The following PRKCE variants were observed in gnomAD, a reference collection of about 807,000 sequenced individuals.
PRKCE encodes the protein protein kinase C epsilon, also known as protein kinase C epsilon type.
PRKCE carries 16 observed loss-of-function variants against 85.4 expected under a neutral mutation model. The ratio of observed to expected loss-of-function variants is 0.19; its 90% CI spans 0.13 to 0.28. PRKCE has a LOEUF of 0.28. Ranked by LOEUF, PRKCE falls within the 10% of genes least tolerant of loss-of-function variation. PRKCE has a pLI of 1.00. For missense variants in PRKCE, 573 were observed against 975.2 expected, an observed-to-expected ratio of 0.59 and a Z score of 5.49; for synonymous variants, 388 against 371.5, an observed-to-expected ratio of 1.04 and a Z score of -0.51.
intron 1 of PRKCE, among the ~76,000 whole-genome samples, chr2:45,707,569 C>T (rs1679217354): frequency 6.6e-6 from 1 of 152,146 alleles, no homozygotes; most frequent in African/African-American, 2.4e-5. Flanking sequence ...TTGCTCTTGC[C>T]CCTGTGCTTG....
intron 1 of PRKCE, among the ~76,000 whole-genome samples, chr2:45,799,864 A>G (rs1266401191): frequency 2.6e-5 from 4 of 152,254 alleles, no homozygotes; most frequent in Non-Finnish European, 4.4e-5. Flanking sequence ...CAGCAGAGGC[A>G]GGATCAGGAA....
chr2:45,746,742 T>C (rs1354108492), intron 1 of PRKCE, among the ~76,000 whole-genome samples: 1 of 152,208 alleles, frequency 6.6e-6, no homozygotes, highest in Non-Finnish European at 1.5e-5. Flanking sequence ...CTTAGCATAA[T>C]TTTACCCAGC....
intron 1 of PRKCE, among the ~76,000 whole-genome samples, chr2:45,722,773 A>G (rs1476212555): frequency 6.6e-6 from 1 of 152,218 alleles, no homozygotes; most frequent in South Asian, 2.1e-4. Context: ...CTTTCTTCAT[A>G]GAAACCTAGG....
chr2:45,947,548 TACTA>T (rs1376227395), intron 2 of PRKCE, among the ~76,000 whole-genome samples: 2 of 152,188 alleles, frequency 1.3e-5, no homozygotes, highest in African/African-American at 2.4e-5. Context: ...AATAAAATAA[TACTA>T]AAATAACCTA....
At chr2:45,959,189 T>A (rs1436953732) in intron 2 of PRKCE, among the ~76,000 whole-genome samples, 1 of 152,148 alleles carries the variant, frequency 6.6e-6, no homozygotes, top group East Asian at 1.9e-4. Flanking sequence ...GTCTTGCCTG[T>A]TTGACAGTAG....
At chr2:45,864,121 G>A (rs1558766725) in intron 2 of PRKCE, among the ~76,000 whole-genome samples, 1 of 152,102 alleles carries the variant, frequency 6.6e-6, no homozygotes, top group Non-Finnish European at 1.5e-5. Context: ...ATTCAGCCTG[G>A]GTGTGAATCC....
rs913765217 is a variant in PRKCE, at chr2:45,999,624, G to A, written c.824-1780G>A. Among the ~76,000 whole-genome samples the A allele has an allele frequency of 1.3e-5, 2 of 152,004 alleles. 1 individual carries two copies. Among genetic ancestry groups the A allele is most frequent in the South Asian group, 4.1e-4 (2 of 4,822 alleles). ...TGTGGTGTTCTTCAAGCTTCCTGGA[G>A]CTGTGGTTTGGTTTGGTGTCTGACA... On this transcript the variant is annotated intron_variant, in intron 6 of 14. Transcript: ENST00000306156.
intron 1 of PRKCE, among the ~76,000 whole-genome samples, chr2:45,822,298 C>T (rs1284418335): frequency 6.6e-6 from 1 of 152,182 alleles, no homozygotes; most frequent in Non-Finnish European, 1.5e-5. Context: ...TAACAGCAGC[C>T]GATTTACGGA....
chr2:45,819,276 A>G (rs1292386183), intron 1 of PRKCE, among the ~76,000 whole-genome samples: 3 of 152,228 alleles, frequency 2.0e-5, no homozygotes, highest in Admixed American at 6.5e-5. Context: ...GGGTTTGCCC[A>G]AGGTCACACA....
chr2:45,675,690 G>A (rs1676404447), intron 1 of PRKCE: 1 of 152,228 alleles, frequency 6.6e-6, no homozygotes, highest in South Asian at 2.1e-4. Flanking sequence ...CACTGTAGGT[G>A]GGAGGAGGGG....
chr2:45,790,516 A>G (rs1226678458), intron 1 of PRKCE, among the ~76,000 whole-genome samples: 1 of 152,186 alleles, frequency 6.6e-6, no homozygotes, highest in Non-Finnish European at 1.5e-5. Flanking sequence ...AACCTATGTG[A>G]CTGAGTGGCT....
At chr2:45,784,673 A>C (rs189583826) in intron 1 of PRKCE, among the ~76,000 whole-genome samples, 24 of 152,290 alleles carry the variant, frequency 1.6e-4, no homozygotes, top group East Asian at 1.2e-3. Flanking sequence ...GAAAAATTTC[A>C]AACACTTACA....
chr2:45,830,285 A>G (rs1690310118), intron 1 of PRKCE, among the ~76,000 whole-genome samples: 1 of 109,484 alleles, frequency 9.1e-6, no homozygotes, highest in African/African-American at 4.7e-5. Context: ...TTCATAAACA[A>G]AAACAAACGA....
chr2:45,814,166 A>G (rs1688852641), intron 1 of PRKCE, among the ~76,000 whole-genome samples: 1 of 152,196 alleles, frequency 6.6e-6, no homozygotes, highest in African/African-American at 2.4e-5. Flanking sequence ...GAGTCTTGCC[A>G]TGACCGGGAC....
At chr2:45,659,604 C>A (rs934236715) in intron 1 of PRKCE, among the ~76,000 whole-genome samples, 3 of 152,162 alleles carry the variant, frequency 2.0e-5, no homozygotes, top group African/African-American at 7.2e-5. Flanking sequence ...CACTCTTCTC[C>A]CTGTTCATTC....
intron 14 of PRKCE, among the ~76,000 whole-genome samples, chr2:46,177,928 C>A (rs529379696): frequency 2.6e-5 from 4 of 152,290 alleles, no homozygotes; most frequent in Non-Finnish European, 5.9e-5. Flanking sequence ...GAGGCAGGAA[C>A]TGAGCAGTCA....
chr2:45,975,709 G>A (rs1022768980), intron 2 of PRKCE, among the ~76,000 whole-genome samples: 3 of 152,178 alleles, frequency 2.0e-5, no homozygotes, highest in Non-Finnish European at 4.4e-5. Flanking sequence ...AGTTGGTGGG[G>A]CAGTCTCAGA....
intron 2 of PRKCE, among the ~76,000 whole-genome samples, chr2:45,872,175 G>A (rs1694145125): frequency 6.6e-6 from 1 of 152,276 alleles, no homozygotes; most frequent in South Asian, 2.1e-4. Context: ...AGGGGGTGGG[G>A]ATGCTGGGAT....
intron 2 of PRKCE, among the ~76,000 whole-genome samples, chr2:45,862,552 G>T (rs1693252915): frequency 6.6e-6 from 1 of 152,216 alleles, no homozygotes; most frequent in African/African-American, 2.4e-5. Flanking sequence ...TGCAGTCAGA[G>T]GGGTAGGGGA....
Sources: gnomAD v4.1 joint callset for allele counts (sites outside exome capture counted in the v4.1 genomes callset) on GRCh38, gnomAD v4.1.1 for gene constraint, MANE v1.5 for transcripts, NCBI Gene and HGNC (gene_info 2026-07-23, HGNC 2026-07-21) for gene names.